PANK1: variants seen among roughly 807,000 people sequenced by gnomAD.
PANK1 encodes the protein pantothenate kinase 1.
PANK1 carries 18 observed loss-of-function variants against 40.1 expected under a neutral mutation model. The observed-to-expected ratio is 0.45, with a 90% CI of 0.31 to 0.67. The LOEUF (loss-of-function observed/expected upper bound fraction) is 0.67, where lower values mean the gene tolerates loss of function less well. Among genes scored for constraint, PANK1 ranks in the 30% least tolerant of loss-of-function variants. The pLI, the probability that PANK1 is intolerant of heterozygous loss-of-function variation, is 0.06. For missense variants in PANK1, 457 were observed against 599.6 expected (o/e 0.76, Z 2.48); for synonymous variants, 242 against 237.7 (o/e 1.02, Z -0.17).
intron 1 of PANK1, among the ~76,000 whole-genome samples, chr10:89,619,042 A>G (rs1277946441): frequency 6.6e-6 from 1 of 152,242 alleles, no homozygotes; most frequent in African/African-American, 2.4e-5. Context: ...TAGCAGAACT[A>G]TATATAGGAA....
chr10:89,606,664 T>C (rs1362619735), intron 2 of PANK1, among the ~76,000 whole-genome samples: 1 of 152,044 alleles, frequency 6.6e-6, no homozygotes, highest in Admixed American at 6.6e-5. Flanking sequence ...ACTGGGACTA[T>C]AGGGGTGCAC....
At chr10:89,584,791 G>A (rs944166440) in intron 6 of PANK1, among the ~76,000 whole-genome samples, 1 of 152,138 alleles carries the variant, frequency 6.6e-6, no homozygotes, top group South Asian at 2.1e-4. Flanking sequence ...GAAATGGAAG[G>A]TAATAAAGTA....
At position 89,645,190 on chromosome 10, in the gene PANK1, C is replaced by A. The variant is rs767206041; in HGVS notation, c.-299G>T. The A allele has an allele frequency of 6.3e-7, 1 of 1,587,564 alleles. No individual in the cohort carries two copies. The highest frequency in any genetic ancestry group is 1.1e-5 in the South Asian group (1 of 88,952). Reference sequence around the variant, plus strand: ...GCCGGGGCTCCCGCCGCCCGCCTTCCCCTGATCCCCAGGCCGCGCGACTTC... The same window carrying A: ...GCCGGGGCTCCCGCCGCCCGCCTTCACCTGATCCCCAGGCCGCGCGACTTC... On this transcript the variant is annotated 5_prime_UTR_variant, in exon 1 of 7. Transcript: ENST00000307534.
chr10:89,595,861 T>G (rs1394937895), intron 3 of PANK1, among the ~76,000 whole-genome samples: 2 of 112,852 alleles, frequency 1.8e-5, no homozygotes, highest in Non-Finnish European at 3.6e-5. Flanking sequence ...TATATATATA[T>G]ATATATATAT....
At chr10:89,613,811 G>A (rs1194905967) in intron 1 of PANK1, among the ~76,000 whole-genome samples, 1 of 152,196 alleles carries the variant, frequency 6.6e-6, no homozygotes, top group Non-Finnish European at 1.5e-5. Context: ...AAAACTCACT[G>A]TCAGCATGGG....
chr10:89,639,604 T>C (rs1447862966), intron 1 of PANK1, among the ~76,000 whole-genome samples: 1 of 152,144 alleles, frequency 6.6e-6, no homozygotes, highest in Non-Finnish European at 1.5e-5. Context: ...TGCTAGTAAG[T>C]AGGAAATGCG....
chr10:89,607,169 G>A (rs1223714065), intron 2 of PANK1, among the ~76,000 whole-genome samples: 1 of 152,130 alleles, frequency 6.6e-6, no homozygotes, highest in Non-Finnish European at 1.5e-5. Flanking sequence ...TTTAAAGTGT[G>A]GGACATGGGA....
At chr10:89,586,851 C>A (rs1437255539) in intron 6 of PANK1, among the ~76,000 whole-genome samples, 1 of 152,098 alleles carries the variant, frequency 6.6e-6, no homozygotes, top group African/African-American at 2.4e-5. Context: ...AGTAAGGGGG[C>A]CGGGGTGGCT....
At chr10:89,630,073 A>G (rs1841589223) in intron 1 of PANK1, among the ~76,000 whole-genome samples, 1 of 152,200 alleles carries the variant, frequency 6.6e-6, no homozygotes, top group African/African-American at 2.4e-5. Flanking sequence ...GGTGAGGGTG[A>G]GAGGGTTTGC....
At chr10:89,628,205 T>C (rs1361353774) in intron 1 of PANK1, among the ~76,000 whole-genome samples, 1 of 152,214 alleles carries the variant, frequency 6.6e-6, no homozygotes. Flanking sequence ...TGAAAACTCA[T>C]GTCCACACAA....
At chr10:89,635,405 G>T (rs1208486857) in intron 1 of PANK1, among the ~76,000 whole-genome samples, 1 of 152,164 alleles carries the variant, frequency 6.6e-6, no homozygotes, top group African/African-American at 2.4e-5. Context: ...GAGCAAAAGA[G>T]TGAACTCACA....
intron 6 of PANK1, 65 bp from the exon 7 acceptor site, chr10:89,584,530 T>C: frequency 9.7e-7 from 1 of 1,031,872 alleles, no homozygotes; most frequent in Non-Finnish European, 1.5e-6. Context: ...TTTTAATAAT[T>C]CTAGGAATGC....
chr10:89,641,228 G>A (rs1257549575), intron 1 of PANK1, among the ~76,000 whole-genome samples: 2 of 152,166 alleles, frequency 1.3e-5, no homozygotes, highest in African/African-American at 2.4e-5. Flanking sequence ...GATACAACCA[G>A]AAAATTTTCC....
intron 2 of PANK1, among the ~76,000 whole-genome samples, chr10:89,609,718 C>T (rs1845092357): frequency 6.6e-6 from 1 of 152,228 alleles, no homozygotes; most frequent in South Asian, 2.1e-4. Context: ...TACATACTTG[C>T]TCCCTACTCC....
intron 1 of PANK1, among the ~76,000 whole-genome samples, chr10:89,637,694 T>C (rs1393073849): frequency 6.6e-6 from 1 of 152,220 alleles, no homozygotes; most frequent in Admixed American, 6.5e-5. Context: ...CTGTAGACTT[T>C]ACAAACATTG....
At chr10:89,644,273 C>A (rs1424758518) in intron 1 of PANK1, among the ~76,000 whole-genome samples, 11 of 152,212 alleles carry the variant, frequency 7.2e-5, no homozygotes, top group African/African-American at 2.7e-4. Flanking sequence ...AATGTTCACA[C>A]ACCTGCGTTT....
chr10:89,606,596 T>A (rs1179270994), intron 2 of PANK1, among the ~76,000 whole-genome samples: 1 of 145,208 alleles, frequency 6.9e-6, no homozygotes, highest in East Asian at 2.0e-4. Context: ...CAATCATAGC[T>A]CACTGCAACC....
intron 3 of PANK1, among the ~76,000 whole-genome samples, chr10:89,597,870 G>C (rs536410235): frequency 6.6e-6 from 1 of 152,302 alleles, no homozygotes; most frequent in East Asian, 1.9e-4. Flanking sequence ...TGAGGTCACG[G>C]AGTCAGTTTT....
chr10:89,586,801 G>A (rs189976360), intron 6 of PANK1, among the ~76,000 whole-genome samples: 2 of 152,298 alleles, frequency 1.3e-5, no homozygotes, highest in East Asian at 3.9e-4. Flanking sequence ...GAAGAGAGAA[G>A]GGCCCCCACT....
Sources: allele counts gnomAD v4.1 joint callset (sites outside exome capture counted in the v4.1 genomes callset), GRCh38; gene constraint gnomAD v4.1.1; transcripts MANE v1.5; gene names NCBI Gene and HGNC (gene_info 2026-07-23, HGNC 2026-07-21).